The following NUF2 variants were observed in gnomAD, a reference collection of about 807,000 sequenced individuals.
NUF2 encodes the protein kinetochore protein Nuf2.
Under a neutral mutation model 61.8 loss-of-function variants are expected in NUF2, and 34 were observed. That is an observed-to-expected ratio of 0.55 (90% CI 0.42 to 0.73). The LOEUF is 0.73. NUF2 is among the 30% of genes least tolerant of loss of function. The probability of loss-of-function intolerance (pLI) is 0.00; values close to 1 mark genes in which losing one functional copy is unlikely to be tolerated. For synonymous variants in NUF2, 172 were observed against 181.6 expected (o/e 0.95, Z 0.42); for missense variants, 445 against 539.1 (o/e 0.83, Z 1.73).
intron 13 of NUF2, among the ~76,000 whole-genome samples, chr1:163,354,817 A>G (rs761093863): frequency 5.9e-5 from 9 of 152,092 alleles, no homozygotes; most frequent in Non-Finnish European, 1.2e-4. Context: ...ATCTATAAAA[A>G]TTGTTGTTTT....
chr1:163,328,575 C>A (rs1425508287), intron 4 of NUF2: 3 of 502,414 alleles, frequency 6.0e-6, no homozygotes, highest in Non-Finnish European at 1.0e-5. Flanking sequence ...GGTTTGAGTT[C>A]TTAAAAGAGT....
rs780900987 is a variant in NUF2, at chr1:163,355,507, A to G, written c.*38A>G. ...CATGTCTTTTTGTAAATGGCTTGCC[A>G]TCTTTTAATTTTCTATTTAGAAAGA... On this transcript the variant is annotated 3_prime_UTR_variant, in exon 14 of 14. Transcript: ENST00000271452. 4.5e-6 allele frequency: 7 copies of G among 1,551,222 alleles called. No homozygotes were observed. Among genetic ancestry groups the G allele is most frequent in the East Asian group, 4.6e-5 (2 of 43,226 alleles).
intron 13 of NUF2, among the ~76,000 whole-genome samples, chr1:163,355,011 T>C (rs921198291): frequency 6.6e-6 from 1 of 152,058 alleles, no homozygotes; most frequent in African/African-American, 2.4e-5. Flanking sequence ...AATGTAGTTA[T>C]TTTCCATGTT....
intron 9 of NUF2, 60 bp downstream of exon 9, chr1:163,340,486 T>G: frequency 8.1e-7 from 1 of 1,230,186 alleles, no homozygotes; most frequent in South Asian, 1.3e-5. Flanking sequence ...GGAGGAGTAT[T>G]TTAGCTGTGT....
chr1:163,324,899 T>C (rs1453728862), intron 1 of NUF2, among the ~76,000 whole-genome samples: 1 of 87,960 alleles, frequency 1.1e-5, no homozygotes, highest in African/African-American at 3.3e-5. Context: ...TTCTTTTCTT[T>C]CTTTTTTTTT....
In NUF2 at chr1:163,349,085, A is replaced by G. The variant is rs780041493; in HGVS notation, c.1260+5A>G. 1.3e-6 allele frequency: 2 copies of G among 1,596,604 alleles called. No homozygotes were observed. Among genetic ancestry groups the G allele is most frequent in the Admixed American group, 1.8e-5 (1 of 55,286 alleles). On this transcript the variant is annotated splice_donor_5th_base_variant and intron_variant, in intron 13 of 13. Coordinates refer to ENST00000271452, the MANE Select transcript of NUF2 (RefSeq NM_145697.3). Reference sequence around the variant, plus strand: ...AGGGAGAAACTGAAGTCCCAGGTGAATATGTGTTCATAAGAAGTTAATTTC... The same window carrying G: ...AGGGAGAAACTGAAGTCCCAGGTGAGTATGTGTTCATAAGAAGTTAATTTC...
At position 163,328,892 on chromosome 1, in the gene NUF2, G is replaced by T. The variant is rs142612141; in HGVS notation, c.322G>T (p.Asp108Tyr). ...ICRVNDFETADILCPKAKRTS... is the reference protein window; with the variant it reads ...ICRVNDFETAYILCPKAKRTS... The stretch of plus-strand genomic sequence containing the variant: ...CCGGGTGAATGACTTTGAGACTGCT[G>T]ATATTCTATGTCCAAGTAAGTGAGA... The change falls in exon 5 of 14, where the codon GAT (aspartate) becomes TAT (tyrosine). Residue 108 changes from aspartate to tyrosine, a missense_variant. By Grantham distance (160) the Asp-to-Tyr change is radical. Coordinates refer to ENST00000271452, the MANE Select transcript of NUF2 (RefSeq NM_145697.3). 5.0e-6 allele frequency: 8 copies of T among 1,596,032 alleles called. No homozygotes were observed. The African/African-American group carries it at 1.1e-4, about 22-fold the overall frequency.
intron 7 of NUF2, 138 bp downstream of exon 7, chr1:163,338,231 T>A: frequency 4.9e-6 from 2 of 411,206 alleles, no homozygotes; most frequent in Non-Finnish European, 8.4e-6. Flanking sequence ...TGAGTTTGCC[T>A]TTTCTTAAAA....
intron 5 of NUF2, among the ~76,000 whole-genome samples, chr1:163,330,641 A>G (rs1003576575): frequency 6.6e-6 from 1 of 152,034 alleles, no homozygotes; most frequent in African/African-American, 2.4e-5. Flanking sequence ...CTTTTAATGT[A>G]TTGTTCATTT....
chr1:163,345,911 A>G (rs1651108899), intron 11 of NUF2, 93 bp downstream of exon 11: 1 of 867,648 alleles, frequency 1.2e-6, no homozygotes, highest in Non-Finnish European at 1.7e-6. Flanking sequence ...TGTTTTCCTA[A>G]AGAAAAACAG....
intron 7 of NUF2, 152 bp downstream of exon 7, chr1:163,338,245 A>AAC (rs1650828841): frequency 1.8e-6 from 1 of 556,956 alleles, no homozygotes; most frequent in Non-Finnish European, 3.2e-6. Flanking sequence ...CTTAAAAAAA[A>AAC]AAAAAAGAAA....
At chr1:163,322,806 C>A (rs1317718002) in intron 1 of NUF2, 2 of 152,222 alleles carry the variant, frequency 1.3e-5, no homozygotes, top group Admixed American at 6.5e-5. Context: ...ATCTTTGCTA[C>A]TCGTTAGACA....
rs192991615 is a variant in NUF2 at position 163,337,024 on chromosome 1, A to C, written c.435+176A>C. Among the ~76,000 whole-genome samples the C allele has an allele frequency of 3.3e-5, 5 of 152,234 alleles. No individual in the cohort carries two copies. The East Asian group carries it at 9.6e-4, about 29-fold the overall frequency. On this transcript the variant is annotated intron_variant, in intron 6 of 13. Transcript: ENST00000271452. ...TTTTAGTTACTGGATAGCATATCTCAGAATCAGATTTTCTTTGAAATTTGG... is the reference window on the plus strand; with the variant it reads ...TTTTAGTTACTGGATAGCATATCTCCGAATCAGATTTTCTTTGAAATTTGG...
At chr1:163,336,112 C>T (rs1650749496) in intron 5 of NUF2, among the ~76,000 whole-genome samples, 1 of 152,072 alleles carries the variant, frequency 6.6e-6, no homozygotes, top group Non-Finnish European at 1.5e-5. Context: ...TGGATCATGT[C>T]CTTTTTCTTG....
chr1:163,351,706 A>C (rs555491939), intron 13 of NUF2, among the ~76,000 whole-genome samples: 33 of 152,320 alleles, frequency 2.2e-4, no homozygotes, highest in African/African-American at 7.9e-4. Flanking sequence ...TATTTGTTAC[A>C]CAAATGGGAA....
intron 13 of NUF2, among the ~76,000 whole-genome samples, chr1:163,354,776 A>G (rs542680876): frequency 6.6e-6 from 1 of 152,194 alleles, no homozygotes; most frequent in African/African-American, 2.4e-5. Context: ...AATAGAAGAA[A>G]ATGTGTACAC....
At chr1:163,349,814 G>A (rs1651252112) in intron 13 of NUF2, among the ~76,000 whole-genome samples, 2 of 152,108 alleles carry the variant, frequency 1.3e-5, no homozygotes, top group South Asian at 4.1e-4. Context: ...GTGGAGTGAG[G>A]AAAGGAAGAG....
chr1:163,353,910 T>C (rs749965742), intron 13 of NUF2, among the ~76,000 whole-genome samples: 1 of 152,188 alleles, frequency 6.6e-6, no homozygotes, highest in East Asian at 1.9e-4. Flanking sequence ...AAGTATTCCT[T>C]TGGGTATTTT....
rs10753611 is a variant in NUF2 at position 163,345,560 on chromosome 1, G to A, written c.808-118G>A. ...ACTGACCTAGAAATTTAATTGTTCC[G>A]TGCTCTTAAGGTTTCAGTATTAAAT... is the stretch of plus-strand genomic sequence containing the variant. On this transcript the variant is annotated intron_variant, in intron 10 of 13. Coordinates refer to ENST00000271452, the MANE Select transcript of NUF2 (RefSeq NM_145697.3). 37 of 817,272 alleles carry A rather than the reference G, an allele frequency of 4.5e-5. No homozygotes were observed. The Admixed American group carries it at 5.1e-4, about 11-fold the overall frequency. The allele number at this position is 817,272 out of a possible 1,614,324, so 50.6% of individuals were successfully genotyped here. A position where few individuals can be genotyped will look rare whatever the true frequency, so the allele number is the denominator to read the frequency against.
Sources: gnomAD v4.1 joint callset for allele counts (sites outside exome capture counted in the v4.1 genomes callset) on GRCh38, gnomAD v4.1.1 for gene constraint, MANE v1.5 for transcripts, NCBI Gene and HGNC (gene_info 2026-07-23, HGNC 2026-07-21) for gene names.